TIAL1: variants seen among roughly 807,000 people sequenced by gnomAD.
The protein encoded by TIAL1 is nucleolysin TIAR.
TIAL1 carries 7 observed loss-of-function variants against 59.7 expected under a neutral mutation model. The ratio of observed to expected loss-of-function variants is 0.12; its 90% CI spans 0.07 to 0.22. The LOEUF (loss-of-function observed/expected upper bound fraction) is 0.22. Among genes scored for constraint, TIAL1 ranks in the 10% least tolerant of loss-of-function variants. The pLI, the probability that TIAL1 is intolerant of heterozygous loss-of-function variation, is 1.00. For missense variants in TIAL1, 225 were observed against 462.5 expected, an observed-to-expected ratio of 0.49 and a Z score of 4.71; for synonymous variants, 149 against 146.3, an observed-to-expected ratio of 1.02 and a Z score of -0.13.
rs751322850 is a variant in TIAL1, at chr10:119,581,875, C to T, written c.371+47G>A. ...AATTCAATTACAAGTTAATCATATA[C>T]AATTCTGCCTATCATGACTGAGTGT... is the stretch of plus-strand genomic sequence containing the variant. On this transcript the variant is annotated intron_variant, in intron 5 of 11. Transcript: ENST00000436547. The T allele has an allele frequency of 7.3e-6, 10 of 1,362,780 alleles. No homozygotes were observed. The African/African-American group carries it at 1.4e-4, about 20-fold the overall frequency. 84.4% of individuals were successfully genotyped at this position (1,362,780 alleles called of 1,614,324 possible).
At chr10:119,585,671 C>A (rs777012477) in intron 2 of TIAL1, among the ~76,000 whole-genome samples, 6 of 152,020 alleles carry the variant, frequency 3.9e-5, no homozygotes, top group Non-Finnish European at 5.9e-5. Context: ...TAAAATAAAT[C>A]TTTACAAATG....
chr10:119,596,166 C>A (rs1033328794), intron 1 of TIAL1, among the ~76,000 whole-genome samples: 2 of 152,214 alleles, frequency 1.3e-5, no homozygotes, highest in Admixed American at 6.5e-5. Flanking sequence ...CGTGCAGAAA[C>A]CCGGCCTAGG....
chr10:119,584,064 C>A (rs1325456435), intron 2 of TIAL1, among the ~76,000 whole-genome samples: 1 of 152,128 alleles, frequency 6.6e-6, no homozygotes, highest in African/African-American at 2.4e-5. Flanking sequence ...ATACAGGGGT[C>A]CAACAGCAGA....
chr10:119,591,233 G>A (rs1008321266), intron 1 of TIAL1, among the ~76,000 whole-genome samples: 2 of 151,936 alleles, frequency 1.3e-5, no homozygotes, highest in Admixed American at 6.5e-5. Context: ...GTGAAACCCC[G>A]TCTCTACTAA....
chr10:119,584,169 G>A (rs1458417204), intron 2 of TIAL1, among the ~76,000 whole-genome samples: 1 of 151,230 alleles, frequency 6.6e-6, no homozygotes, highest in Non-Finnish European at 1.5e-5. Flanking sequence ...ATCAATGTAT[G>A]CACGTGCATG....
intron 1 of TIAL1, among the ~76,000 whole-genome samples, chr10:119,589,371 A>G (rs1182282878): frequency 6.6e-6 from 1 of 152,088 alleles, no homozygotes; most frequent in Non-Finnish European, 1.5e-5. Context: ...ACGCCCGGCT[A>G]ATTTTTGTAT....
In TIAL1 at chr10:119,582,333, G is replaced by A; in HGVS notation, c.229-110C>T. 1 of 1,466,368 alleles carries A rather than the reference G, an allele frequency of 6.8e-7. No individual in the cohort carries two copies. The highest frequency in any genetic ancestry group is 9.2e-7 in the Non-Finnish European group (1 of 1,090,714). 90.8% of individuals were successfully genotyped at this position (1,466,368 alleles called of 1,614,324 possible). ...AGGGTTATTTTTGTAAAAGCACTAA[G>A]CTGAATAAAGCAAAACCATCACTCA... On this transcript the variant is annotated intron_variant, in intron 3 of 11. Transcript: ENST00000436547. The surrounding 1 kb of genome is among the most constrained non-coding windows in gnomAD (Gnocchi z 5.1).
intron 2 of TIAL1, among the ~76,000 whole-genome samples, chr10:119,584,980 G>A (rs1315867353): frequency 1.3e-5 from 2 of 151,608 alleles, no homozygotes; most frequent in African/African-American, 4.9e-5. Context: ...AATATTAGCT[G>A]GGCATGATGG....
Position 119,582,022 on chromosome 10 carries a change from C to G in TIAL1, c.284-13G>C, listed in dbSNP as rs1390616505. 1 of 1,612,140 alleles carries G rather than the reference C, an allele frequency of 6.2e-7. No individual in the cohort carries two copies. Among genetic ancestry groups the G allele is most frequent in the Non-Finnish European group, 8.5e-7 (1 of 1,178,670 alleles). On this transcript the variant is annotated splice_polypyrimidine_tract_variant and intron_variant, in intron 4 of 11. Transcript: ENST00000436547. The surrounding 1 kb of genome is among the most constrained non-coding windows in gnomAD (Gnocchi z 5.1). ...ACATGGAAGTGATCTGAAATCAGAG[C>G]ATTTGGTAATCAAATACTTAAGAAG...
At chr10:119,584,338 G>C (rs1845441137) in intron 2 of TIAL1, among the ~76,000 whole-genome samples, 1 of 151,410 alleles carries the variant, frequency 6.6e-6, no homozygotes, top group Admixed American at 6.6e-5. Context: ...ATATATATTT[G>C]TATTATATAA....
intron 1 of TIAL1, among the ~76,000 whole-genome samples, chr10:119,592,893 A>G (rs1845959743): frequency 6.6e-6 from 1 of 152,214 alleles, no homozygotes; most frequent in Non-Finnish European, 1.5e-5. Flanking sequence ...TGGTATAGCC[A>G]GTCAATTTTG....
rs111534381 is a variant in TIAL1, at chr10:119,577,654, C to T, written c.639G>A (p.Ala213=). 1.9e-4 allele frequency: 314 copies of T among 1,614,054 alleles called. 1 individual carries two copies. The highest frequency in any genetic ancestry group is 4.0e-4 in the African/African-American group (30 of 75,048). ...KNCTVYCGGI[A]SGLTDQLMRQ... The stretch of plus-strand genomic sequence containing the variant: ...CAAACATTGTACCTGTTAACCCAGA[C>T]GCAATTCCTCCACAGTACACAGTAC... The change falls in exon 8 of 12, where the codon GCG becomes GCA. Residue 213 remains alanine, a synonymous_variant. Transcript: ENST00000436547.
rs911713473 is a variant in TIAL1 at position 119,596,646 on chromosome 10, A to T, written c.-181T>A. 10 of 602,350 alleles carry T rather than the reference A, an allele frequency of 1.7e-5. No individual in the cohort carries two copies. The highest frequency in any genetic ancestry group is 3.7e-5 in the African/African-American group (2 of 53,540). The allele number at this position is 602,350 out of a possible 1,614,324, so 37.3% of individuals were successfully genotyped here. On this transcript the variant is annotated 5_prime_UTR_variant, in exon 1 of 12. Transcript: ENST00000436547. The stretch of plus-strand genomic sequence containing the variant: ...CGGACACTGCGCTCCAACCAGGAGG[A>T]GCAGGAGGAGGAGGAGGATGAACAA...
In TIAL1 at chr10:119,574,142, A is replaced by AT. The variant is rs938663363; in HGVS notation, c.*1522dup. The AT allele has an allele frequency of 1.3e-5, 2 of 152,610 alleles. No individual in the cohort carries two copies. The highest frequency in any genetic ancestry group is 2.9e-5 in the Non-Finnish European group (2 of 68,034). 9.5% of individuals were successfully genotyped at this position (152,610 alleles called of 1,614,324 possible). On this transcript the variant is annotated 3_prime_UTR_variant, in exon 12 of 12. Coordinates refer to ENST00000436547, the MANE Select transcript of TIAL1 (RefSeq NM_003252.4). ...AGCTCTGACAATTCAAATACATAGG[A>AT]TTTTATCTATTTTACATTCCTGTTT...
chr10:119,596,405 G>T, intron 1 of TIAL1, 29 bp downstream of exon 1: 1 of 1,610,836 alleles, frequency 6.2e-7, no homozygotes. Context: ...GCCTCTTGGC[G>T]CCTGGCACCC....
chr10:119,580,738 T>A, intron 5 of TIAL1: 1 of 1,032,788 alleles, frequency 9.7e-7, no homozygotes, highest in Non-Finnish European at 1.2e-6. Flanking sequence ...ATATAAATAA[T>A]GTATAATAAG....
chr10:119,593,410 T>C, intron 1 of TIAL1: 1 of 907,022 alleles, frequency 1.1e-6, no homozygotes, highest in Non-Finnish European at 1.3e-6. Flanking sequence ...TACCATCAAA[T>C]AAATTAGTAA....
intron 1 of TIAL1, among the ~76,000 whole-genome samples, chr10:119,592,820 AG>A (rs1845954464): frequency 6.6e-6 from 1 of 152,108 alleles, no homozygotes; most frequent in Admixed American, 6.6e-5. Context: ...AAAGAAACAA[AG>A]AATATGATTA....
chr10:119,580,731 T>C, intron 5 of TIAL1: 5 of 1,019,988 alleles, frequency 4.9e-6, no homozygotes, highest in Non-Finnish European at 6.0e-6. Flanking sequence ...TATGTATATA[T>C]AAATAATGTA....
Sources: allele counts gnomAD v4.1 joint callset (sites outside exome capture counted in the v4.1 genomes callset), GRCh38; gene constraint gnomAD v4.1.1; non-coding constraint Gnocchi (gnomAD v3.1); transcripts MANE v1.5; gene names NCBI Gene and HGNC (gene_info 2026-07-23, HGNC 2026-07-21).